The following SORCS1 variants were observed in gnomAD, a reference collection of about 807,000 sequenced individuals.
SORCS1 encodes VPS10 domain-containing receptor SorCS1.
SORCS1 carries 60 observed loss-of-function variants against 146.1 expected under a neutral mutation model. That is an observed-to-expected ratio of 0.41 (90% CI 0.33 to 0.51). SORCS1 has a LOEUF of 0.51. Among genes scored for constraint, SORCS1 ranks in the 20% least tolerant of loss-of-function variants. The probability of loss-of-function intolerance (pLI) is 0.21; values close to 1 mark genes in which losing one functional copy is unlikely to be tolerated. For synonymous variants in SORCS1, 637 were observed against 584.0 expected (o/e 1.09, Z -1.31); for missense variants, 1,352 against 1,487.6 (o/e 0.91, Z 1.50).
intron 1 of SORCS1, among the ~76,000 whole-genome samples, chr10:107,160,189 A>G (rs1969595290): frequency 6.6e-6 from 1 of 152,176 alleles, no homozygotes; most frequent in Non-Finnish European, 1.5e-5. Context: ...AAATCAACTC[A>G]AGATAGGATT....
chr10:107,025,285 T>C (rs61867207), intron 1 of SORCS1, among the ~76,000 whole-genome samples: 432 of 152,354 alleles, frequency 2.8e-3, no homozygotes, highest in Admixed American at 5.8e-3. Context: ...TTTAGAACTA[T>C]CTGCCTGTCA....
chr10:106,725,922 C>G (rs536048583), intron 6 of SORCS1, among the ~76,000 whole-genome samples: 1 of 107,152 alleles, frequency 9.3e-6, no homozygotes, highest in Admixed American at 1.2e-4. Context: ...CAGAGTGAGA[C>G]TCTGTCTCAG....
intron 3 of SORCS1, among the ~76,000 whole-genome samples, chr10:106,788,422 G>C (rs1261378519): frequency 6.6e-6 from 1 of 152,096 alleles, no homozygotes; most frequent in African/African-American, 2.4e-5. Context: ...GACAAATCAA[G>C]TCCCTTCTGC....
At chr10:106,749,298 C>T (rs1304021206) in intron 5 of SORCS1, among the ~76,000 whole-genome samples, 1 of 152,196 alleles carries the variant, frequency 6.6e-6, no homozygotes, top group Non-Finnish European at 1.5e-5. Context: ...TGTCCTTGTT[C>T]TTCTCTTCCC....
At chr10:106,944,874 CTTT>C (rs765355110) in intron 2 of SORCS1, among the ~76,000 whole-genome samples, 46 of 36,600 alleles carry the variant, frequency 1.3e-3, no homozygotes, top group African/African-American at 3.5e-3. Flanking sequence ...AAAGAGCCTT[CTTT>C]TTTTTTTTTT....
At chr10:106,868,355 C>T (rs1308470036) in intron 2 of SORCS1, among the ~76,000 whole-genome samples, 1 of 152,114 alleles carries the variant, frequency 6.6e-6, no homozygotes, top group African/African-American at 2.4e-5. Context: ...ATCTGATAGA[C>T]CTCTACAGAA....
chr10:106,814,654 C>G (rs1322960447), intron 3 of SORCS1, among the ~76,000 whole-genome samples: 2 of 152,116 alleles, frequency 1.3e-5, no homozygotes, highest in African/African-American at 4.8e-5. Flanking sequence ...GTCGCTCACA[C>G]CTGTAATCCC....
chr10:107,055,967 A>C (rs1960594188), intron 1 of SORCS1, among the ~76,000 whole-genome samples: 1 of 152,190 alleles, frequency 6.6e-6, no homozygotes, highest in African/African-American at 2.4e-5. Flanking sequence ...CCTTCTTTAC[A>C]GACTCCCCTT....
At chr10:106,794,317 C>A (rs1180752439) in intron 3 of SORCS1, among the ~76,000 whole-genome samples, 1 of 152,050 alleles carries the variant, frequency 6.6e-6, no homozygotes, top group Non-Finnish European at 1.5e-5. Flanking sequence ...TCTCTGTTGG[C>A]ATTTCTTATT....
At chr10:106,697,042 A>G (rs1050024562) in intron 9 of SORCS1, among the ~76,000 whole-genome samples, 1 of 152,246 alleles carries the variant, frequency 6.6e-6, no homozygotes, top group South Asian at 2.1e-4. Flanking sequence ...GTGGATGCTC[A>G]GAGCAAGAAT....
chr10:106,875,449 A>G (rs982010621), intron 2 of SORCS1, among the ~76,000 whole-genome samples: 3 of 152,124 alleles, frequency 2.0e-5, no homozygotes, highest in African/African-American at 7.2e-5. Flanking sequence ...TTGTTCATAT[A>G]ATGACTTATT....
intron 1 of SORCS1, among the ~76,000 whole-genome samples, chr10:107,007,805 A>T (rs1298769318): frequency 1.3e-5 from 2 of 151,436 alleles, no homozygotes; most frequent in African/African-American, 4.9e-5. Flanking sequence ...ATTGAATACC[A>T]TGCGAGGCTC....
At chr10:106,920,631 C>G (rs11193102) in intron 2 of SORCS1, among the ~76,000 whole-genome samples, 2 of 152,026 alleles carry the variant, frequency 1.3e-5, no homozygotes, top group Non-Finnish European at 2.9e-5. Flanking sequence ...AGTTTCTTGA[C>G]TCAACTTGCC....
intron 2 of SORCS1, among the ~76,000 whole-genome samples, chr10:106,891,002 A>G (rs1951208626): frequency 6.6e-6 from 1 of 152,164 alleles, no homozygotes. Context: ...TTCCTCTAGT[A>G]GTATTTATGA....
At chr10:107,114,371 A>G (rs777073776) in intron 1 of SORCS1, among the ~76,000 whole-genome samples, 23 of 152,164 alleles carry the variant, frequency 1.5e-4, no homozygotes, top group Admixed American at 5.9e-4. Context: ...AGATGCAAAA[A>G]TCCTCAACAA....
At position 106,844,157 on chromosome 10, in the gene SORCS1, A is replaced by G. The variant is rs139112890; in HGVS notation, c.627-14484T>C. Among the ~76,000 whole-genome samples, 995 of 152,284 alleles carry G rather than the reference A, an allele frequency of 6.5e-3. 8 individuals carry two copies. Among genetic ancestry groups the G allele is most frequent in the African/African-American group, 0.022 (900 of 41,562 alleles). On this transcript the variant is annotated intron_variant, in intron 2 of 25. Coordinates refer to ENST00000263054, the MANE Select transcript of SORCS1 (RefSeq NM_052918.5). ...TATTAGTGATGTTGAACATCTTTTC[A>G]TATACTATTGGCTTTTTATATGCCA... is the stretch of plus-strand genomic sequence containing the variant.
At chr10:106,808,523 G>A (rs67594334) in intron 3 of SORCS1, among the ~76,000 whole-genome samples, 37,145 of 151,820 alleles carry the variant, frequency 0.24, 4,909 homozygotes, top group Non-Finnish European at 0.3. Flanking sequence ...ATTTATGTGA[G>A]GCGGAGTGTC....
intron 17 of SORCS1, among the ~76,000 whole-genome samples, chr10:106,666,220 G>T (rs1851127435): frequency 6.6e-6 from 1 of 152,166 alleles, no homozygotes; most frequent in African/African-American, 2.4e-5. Context: ...GTGAGGGTGG[G>T]CCTCATCCAA....
At chr10:106,634,372 A>G (rs1446971749) in intron 18 of SORCS1, among the ~76,000 whole-genome samples, 1 of 152,230 alleles carries the variant, frequency 6.6e-6, no homozygotes, top group Non-Finnish European at 1.5e-5. Context: ...CTTACATATT[A>G]TCTCATGTGG....
Sources: allele counts gnomAD v4.1 joint callset (sites outside exome capture counted in the v4.1 genomes callset), GRCh38; gene constraint gnomAD v4.1.1; transcripts MANE v1.5; gene names NCBI Gene and HGNC (gene_info 2026-07-23, HGNC 2026-07-21).